Variants in SAMD5 observed in about 807,000 individuals in gnomAD.
SAMD5 encodes sterile alpha motif domain containing 5, also known as sterile alpha motif domain-containing protein 5.
SAMD5 carries 13 observed loss-of-function variants against 11.3 expected under a neutral mutation model. The ratio of observed to expected loss-of-function variants is 1.15; its 90% CI spans 0.75 to 1.83. The LOEUF is 1.83. Among genes scored for constraint, SAMD5 ranks in the 40% most tolerant of loss-of-function variants. The probability of loss-of-function intolerance (pLI) is 0.00; values close to 1 mark genes in which losing one functional copy is unlikely to be tolerated. For missense variants in SAMD5, 255 were observed against 239.1 expected (o/e 1.07, Z -0.44); for synonymous variants, 129 against 111.3 (o/e 1.16, Z -1.00).
chr6:147,728,467 G>T (rs1791660892), intron 1 of SAMD5, among the ~76,000 whole-genome samples: 1 of 152,104 alleles, frequency 6.6e-6, no homozygotes, highest in Non-Finnish European at 1.5e-5. Flanking sequence ...GTCTCCTGAG[G>T]AATGAAGCAC....
intron 1 of SAMD5, among the ~76,000 whole-genome samples, chr6:147,516,080 G>A (rs540451005): frequency 2.0e-5 from 3 of 152,192 alleles, no homozygotes; most frequent in African/African-American, 7.2e-5. Context: ...AGTCCAGGCT[G>A]GGCTAGATGG....
chr6:147,666,403 T>A (rs1184015514), intron 1 of SAMD5, among the ~76,000 whole-genome samples: 1 of 152,224 alleles, frequency 6.6e-6, no homozygotes, highest in East Asian at 1.9e-4. Flanking sequence ...ACGACTTCAT[T>A]CACATGCTGT....
At chr6:147,724,202 A>C (rs1249693140) in intron 1 of SAMD5, among the ~76,000 whole-genome samples, 1 of 152,190 alleles carries the variant, frequency 6.6e-6, no homozygotes, top group Non-Finnish European at 1.5e-5. Flanking sequence ...ATCTCAGCTC[A>C]CTGCAACCTC....
chr6:147,529,070 G>A lies in SAMD5; in HGVS notation c.459+19683G>A, dbSNP rs574136521. ...TGCCTAGAACTATTCTGAGGATTAA[G>A]TCAGAAAATGTATGTAGAGCACTTA... On this transcript the variant is annotated intron_variant, in intron 1 of 1. Transcript: ENST00000367474. Among the ~76,000 whole-genome samples, 252 of 152,312 alleles carry A rather than the reference G, an allele frequency of 1.7e-3. 1 individual carries two copies. Among genetic ancestry groups the A allele is most frequent in the Non-Finnish European group, 2.9e-3 (200 of 68,034 alleles).
chr6:147,632,191 G>C (rs1790161595), intron 1 of SAMD5, among the ~76,000 whole-genome samples: 1 of 152,166 alleles, frequency 6.6e-6, no homozygotes, highest in African/African-American at 2.4e-5. Flanking sequence ...GATGCCTTTT[G>C]ATGGCCCTTG....
chr6:147,918,652 A>C, the SAMD5 span, among the ~76,000 whole-genome samples: 46 of 151,582 alleles, frequency 3.0e-4, no homozygotes, highest in African/African-American at 1.0e-3. Flanking sequence ...GGGAAGACTC[A>C]GGATACAAAA....
the SAMD5 span, among the ~76,000 whole-genome samples, chr6:147,754,690 G>A: frequency 6.6e-6 from 1 of 152,016 alleles, no homozygotes; most frequent in Non-Finnish European, 1.5e-5. Context: ...GTTTCATAGT[G>A]TGAAGTCTTA....
Position 147,690,910 on chromosome 6 carries a change from C to T in SAMD5, c.163-46407C>T, listed in dbSNP as rs911424650. ...TACAGGGTTTAACCCAGAATAAGTG[C>T]GATTTCTTTTAGCACGGAATCTCCA... On this transcript the variant is annotated intron_variant, in intron 1 of 1. Coordinates refer to the SAMD5 transcript ENST00000566741. 5.4e-5 allele frequency among the ~76,000 whole-genome samples: 8 copies of T among 146,994 alleles called. 1 individual carries two copies. Among genetic ancestry groups the T allele is most frequent in the East Asian group, 2.0e-4 (1 of 4,924 alleles).
At chr6:147,555,887 A>G (rs1021465850) in intron 1 of SAMD5, among the ~76,000 whole-genome samples, 11 of 152,292 alleles carry the variant, frequency 7.2e-5, no homozygotes, top group South Asian at 4.1e-4. Flanking sequence ...TACTTTTTCA[A>G]TGATACTTCT....
At position 147,569,571 on chromosome 6, in the gene SAMD5, A is replaced by G. The variant is rs1281875433; in HGVS notation, c.*5115A>G. 1.0e-6 allele frequency: 1 copy of G among 965,088 alleles called. No homozygotes were observed. The highest frequency in any genetic ancestry group is 6.2e-5 in the Admixed American group (1 of 16,252). The allele number at this position is 965,088 out of a possible 1,614,324, so 59.8% of individuals were successfully genotyped here. A position where few individuals can be genotyped will look rare whatever the true frequency, so the allele number is the denominator to read the frequency against. On this transcript the variant is annotated 3_prime_UTR_variant, in exon 2 of 2. Transcript: ENST00000367474. The stretch of plus-strand genomic sequence containing the variant: ...ATGAATTATCCCTTATCATTCCAAA[A>G]ATGAAATGCTGTGTTAAATATCTCC...
the SAMD5 span, among the ~76,000 whole-genome samples, chr6:147,902,041 T>A: frequency 6.6e-6 from 1 of 152,180 alleles, no homozygotes; most frequent in Non-Finnish European, 1.5e-5. Flanking sequence ...ATCAATAGTC[T>A]CCTCTTATGA....
intron 1 of SAMD5, among the ~76,000 whole-genome samples, chr6:147,556,185 T>C (rs1039584470): frequency 2.0e-5 from 3 of 152,148 alleles, no homozygotes; most frequent in Non-Finnish European, 4.4e-5. Flanking sequence ...CTCCGCCTCT[T>C]GGGCTCATGC....
chr6:147,767,174 A>G, the SAMD5 span, among the ~76,000 whole-genome samples: 1 of 152,218 alleles, frequency 6.6e-6, no homozygotes, highest in Non-Finnish European at 1.5e-5. Flanking sequence ...GAAAGTCTAC[A>G]ACAGTATCTT....
chr6:147,657,971 TG>T (rs1341903625), intron 1 of SAMD5, among the ~76,000 whole-genome samples: 1 of 152,234 alleles, frequency 6.6e-6, no homozygotes, highest in African/African-American at 2.4e-5. Context: ...ATGGATTATT[TG>T]TATTGATCTT....
the SAMD5 span, among the ~76,000 whole-genome samples, chr6:147,760,418 CTT>C: frequency 1.3e-5 from 2 of 152,032 alleles, no homozygotes; most frequent in African/African-American, 4.8e-5. Context: ...AAGGTAGTAA[CTT>C]TTAAAAACTG....
chr6:147,757,482 A>C, the SAMD5 span, among the ~76,000 whole-genome samples: 1 of 151,988 alleles, frequency 6.6e-6, no homozygotes, highest in Non-Finnish European at 1.5e-5. Flanking sequence ...ACCCCTTCCC[A>C]CTCTATTTGG....
chr6:147,787,185 C>A, the SAMD5 span, among the ~76,000 whole-genome samples: 3 of 152,094 alleles, frequency 2.0e-5, no homozygotes, highest in Middle Eastern at 3.2e-3. Flanking sequence ...TTACAGAAAT[C>A]TCTCAATGAA....
chr6:147,570,430 T>C (rs1789120289), downstream of SAMD5, among the ~76,000 whole-genome samples: 1 of 152,146 alleles, frequency 6.6e-6, no homozygotes, highest in African/African-American at 2.4e-5. Flanking sequence ...TGTGTTGTGA[T>C]TCAACTACAG....
chr6:147,790,779 TCTC>T, the SAMD5 span, among the ~76,000 whole-genome samples: 1 of 64,682 alleles, frequency 1.5e-5, no homozygotes, highest in Non-Finnish European at 3.8e-5. Context: ...TTTCTCTCTC[TCTC>T]TCTCTCTCTC....
Sources: gnomAD v4.1 joint callset for allele counts (sites outside exome capture counted in the v4.1 genomes callset) on GRCh38, gnomAD v4.1.1 for gene constraint, MANE v1.5 for transcripts, NCBI Gene and HGNC (gene_info 2026-07-23, HGNC 2026-07-21) for gene names.